The following CBARP variants were observed in gnomAD, a reference collection of about 807,000 sequenced individuals.
The protein encoded by CBARP is CACN subunit beta associated regulatory protein, also known as voltage-dependent calcium channel beta subunit-associated regulatory protein.
Under a neutral mutation model 36.3 loss-of-function variants are expected in CBARP, and 24 were observed. The ratio of observed to expected loss-of-function variants is 0.66; its 90% CI spans 0.48 to 0.93. The LOEUF (loss-of-function observed/expected upper bound fraction) is 0.93. Ranked by LOEUF, CBARP falls within the 40% of genes least tolerant of loss-of-function variation. CBARP has a pLI of 0.00. For synonymous variants in CBARP, 586 were observed against 453.2 expected (o/e 1.29, Z -3.72); for missense variants, 1,146 against 980.4 (o/e 1.17, Z -2.26).
At chr19:1,234,781 C>T (rs1246475496) in intron 5 of CBARP, 39 bp from the exon 6 acceptor site, 3 of 1,591,864 alleles carry the variant, frequency 1.9e-6, no homozygotes, top group South Asian at 1.1e-5. Flanking sequence ...GCCCACCTCC[C>T]ATGCCCGATG....
In CBARP at chr19:1,229,907, G is replaced by C; in HGVS notation, c.1390C>G (p.Arg464Gly). The stretch of plus-strand genomic sequence containing the variant: ...CCTGAGCCCGAGCTGTCGCCGCTGC[G>C]CACCGAGTCGCGGTCGTTGCCGCTG... ...SSSGNDRDSV[R>G]SGDSSGSGSG... The change falls in exon 10 of 10, where the codon CGC (arginine) becomes GGC (glycine). Residue 464 changes from arginine to glycine, a missense_variant. Physicochemically the swap from Arg to Gly is moderately radical, Grantham distance 125. Coordinates refer to ENST00000650044, the MANE Select transcript of CBARP (RefSeq NM_001393918.1). The surrounding 1 kb of genome is among the most constrained non-coding windows in gnomAD (Gnocchi z 5.1). The C allele has an allele frequency of 8.9e-7, 1 of 1,118,164 alleles. No individual in the cohort carries two copies. The highest frequency in any genetic ancestry group is 1.1e-6 in the Non-Finnish European group (1 of 895,360). The allele number at this position is 1,118,164 out of a possible 1,614,324, so 69.3% of individuals were successfully genotyped here.
intron 1 of CBARP, among the ~76,000 whole-genome samples, chr19:1,236,870 C>CGGG (rs938581954): frequency 2.1e-3 from 26 of 12,166 alleles, no homozygotes; most frequent in Admixed American, 3.9e-3. Context: ...GCGGCGGCCT[C>CGGG]GGGGGGGCGG....
rs765209008 is a variant in CBARP, at chr19:1,229,601, C to G, written c.1696G>C (p.Ala566Pro). ...TGCGCGCGGGCGCGGTGTCGCGCGG[C>G]AGCCGGCGTGTCGTCGAAGTGCGGG... ...HDPHFDDTPA[A>P]ARHRARAHPH... The change falls in exon 10 of 10, where the codon GCC (alanine) becomes CCC (proline). Residue 566 changes from alanine (A) to proline (P), a missense_variant. Coordinates refer to ENST00000650044, the MANE Select transcript of CBARP (RefSeq NM_001393918.1). This position sits in a 1 kb window ranked among gnomAD's most constrained non-coding sequence, Gnocchi z 5.1. 8.4e-7 allele frequency: 1 copy of G among 1,195,372 alleles called. No individual in the cohort carries two copies. Among genetic ancestry groups the G allele is most frequent in the Non-Finnish European group, 1.1e-6 (1 of 945,382 alleles). The allele number at this position is 1,195,372 out of a possible 1,614,324, so 74.0% of individuals were successfully genotyped here.
At chr19:1,233,237 C>T (rs964601727) in intron 8 of CBARP, among the ~76,000 whole-genome samples, 189 bp downstream of exon 8, 7 of 152,254 alleles carry the variant, frequency 4.6e-5, no homozygotes, top group African/African-American at 1.7e-4. Flanking sequence ...GCCGCCCGCA[C>T]ACTCAGCCCT....
At chr19:1,230,563 G>A in intron 9 of CBARP, 1 of 1,105,672 alleles carries the variant, frequency 9.0e-7, no homozygotes, top group Non-Finnish European at 1.1e-6. Flanking sequence ...ACCAGCAGGA[G>A]GACAGTGCAC....
At chr19:1,234,844 GA>G (rs1568742559) in intron 5 of CBARP, 102 bp from the exon 6 acceptor site, 2 of 1,517,972 alleles carry the variant, frequency 1.3e-6, no homozygotes, top group Admixed American at 4.0e-5. Context: ...AGGGGCAGGC[GA>G]AAGGGGGGCA....
chr19:1,235,631 C>G (rs1333959324), intron 3 of CBARP, 66 bp from the exon 4 acceptor site: 1 of 1,585,120 alleles, frequency 6.3e-7, no homozygotes, highest in Non-Finnish European at 8.6e-7. Flanking sequence ...GGTCTCGGCT[C>G]TTTGCCCCAA....
chr19:1,235,252 C>A (rs369312374), intron 4 of CBARP, 107 bp from the exon 5 acceptor site: 9 of 1,252,588 alleles, frequency 7.2e-6, no homozygotes, highest in East Asian at 3.1e-5. Context: ...GCTGGGGCCG[C>A]GGCACGGGCG....
chr19:1,233,644 G>A lies in CBARP; in HGVS notation c.769-8C>T. The A allele has an allele frequency of 6.2e-7, 1 of 1,604,506 alleles. No homozygotes were observed. The highest frequency in any genetic ancestry group is 1.1e-5 in the South Asian group (1 of 90,174). ...CCTGGTACCGGCATCCAACTGGCAG[G>A]GAACAGAGATGGCGCTCAGGCTAAG... On this transcript the variant is annotated splice_region_variant and splice_polypyrimidine_tract_variant and intron_variant, in intron 7 of 9. Coordinates refer to ENST00000650044, the MANE Select transcript of CBARP (RefSeq NM_001393918.1).
At chr19:1,237,631 G>A (rs904950238) in intron 1 of CBARP, 125 bp downstream of exon 1, 3 of 152,112 alleles carry the variant, frequency 2.0e-5, no homozygotes, top group Non-Finnish European at 2.9e-5. Flanking sequence ...GCAAGGCCCG[G>A]ATCTCGGTCC....
chr19:1,231,359 CCA>C (rs1055755402), intron 8 of CBARP, 84 bp from the exon 9 acceptor site: 62 of 1,191,678 alleles, frequency 5.2e-5, no homozygotes, highest in Middle Eastern at 2.9e-4. Flanking sequence ...TGCCCCCCCG[CCA>C]CACACACACA....
chr19:1,232,633 T>G (rs753164327), intron 8 of CBARP, among the ~76,000 whole-genome samples: 8 of 152,220 alleles, frequency 5.3e-5, no homozygotes, highest in African/African-American at 1.2e-4. Flanking sequence ...GGATCCTGCC[T>G]GACCCAAGGC....
At chr19:1,231,681 C>G (rs1467880419) in intron 8 of CBARP, among the ~76,000 whole-genome samples, 9 of 151,124 alleles carry the variant, frequency 6.0e-5, no homozygotes, top group Non-Finnish European at 8.9e-5. Flanking sequence ...TGTGCCCTGT[C>G]TCTGTCTCAC....
Position 1,235,915 on chromosome 19 carries a change from C to A in CBARP, c.109G>T (p.Glu37Ter). ...TAGTTGTCCAGGATGGGGTCTGGCT[C>A]TGCCTGCGGGTGTGCAGGGGGGGTC... ...WDNATGRPTA[E>*]PDPILDNYVL... The change falls in exon 3 of 10, where the codon GAG becomes TAG. Residue 37 changes from glutamate to a stop codon, truncating the protein, a stop_gained. Transcript: ENST00000650044. LOFTEE classifies it high-confidence loss of function. 1 of 1,611,228 alleles carries A rather than the reference C, an allele frequency of 6.2e-7. No homozygotes were observed. The highest frequency in any genetic ancestry group is 8.5e-7 in the Non-Finnish European group (1 of 1,179,628).
intron 9 of CBARP, chr19:1,230,457 A>G (rs2080875287): frequency 1.0e-6 from 1 of 994,792 alleles, no homozygotes; most frequent in Non-Finnish European, 1.2e-6. Flanking sequence ...CCAGCCTCCC[A>G]GTGGACGTGG....
In CBARP at chr19:1,231,383, C is replaced by T. The variant is rs559620738; in HGVS notation, c.980-108G>A. On this transcript the variant is annotated intron_variant, in intron 8 of 9. Coordinates refer to ENST00000650044, the MANE Select transcript of CBARP (RefSeq NM_001393918.1). ...GCCACACACACACAATGCCTGTGCC[C>T]CCCCGCCACACACAACGCCTGTGGA... 29 of 1,396,800 alleles carry T rather than the reference C, an allele frequency of 2.1e-5. No homozygotes were observed. In the African/African-American group the frequency reaches 3.5e-4, roughly 17 times the overall value. The allele number at this position is 1,396,800 out of a possible 1,614,324, so 86.5% of individuals were successfully genotyped here. A position where few individuals can be genotyped will look rare whatever the true frequency, so the allele number is the denominator to read the frequency against.
chr19:1,234,903 C>G, intron 5 of CBARP, 98 bp downstream of exon 5: 5 of 1,512,470 alleles, frequency 3.3e-6, no homozygotes, highest in African/African-American at 2.7e-5. Context: ...GGAGCCTCTG[C>G]CTTGGTCCCT....
At position 1,235,922 on chromosome 19, in the gene CBARP, C is replaced by T. The variant is rs367764856; in HGVS notation, c.106-4G>A. ...CCAGGATGGGGTCTGGCTCTGCCTGCGGGTGTGCAGGGGGGGTCAGGTGCT... is the reference window on the plus strand; with the variant it reads ...CCAGGATGGGGTCTGGCTCTGCCTGTGGGTGTGCAGGGGGGGTCAGGTGCT... On this transcript the variant is annotated splice_region_variant and splice_polypyrimidine_tract_variant and intron_variant, in intron 2 of 9. Transcript: ENST00000650044. 9.9e-6 allele frequency: 16 copies of T among 1,609,782 alleles called. No homozygotes were observed. Among genetic ancestry groups the T allele is most frequent in the African/African-American group, 8.0e-5 (6 of 74,904 alleles).
At chr19:1,234,515 TC>T in intron 6 of CBARP, 55 bp downstream of exon 6, 1 of 1,512,732 alleles carries the variant, frequency 6.6e-7, no homozygotes, top group Non-Finnish European at 8.9e-7. Flanking sequence ...GGTCCGGGAG[TC>T]CCCGGGGCTG....
Sources: gnomAD v4.1 joint callset for allele counts (sites outside exome capture counted in the v4.1 genomes callset) on GRCh38, gnomAD v4.1.1 for gene constraint, Gnocchi (gnomAD v3.1) non-coding constraint, MANE v1.5 for transcripts, NCBI Gene and HGNC (gene_info 2026-07-23, HGNC 2026-07-21) for gene names.